The following PLXDC2 variants were observed in gnomAD, a reference collection of about 807,000 sequenced individuals.
The protein encoded by PLXDC2 is plexin domain-containing protein 2.
A neutral mutation model predicts 68.9 loss-of-function variants in PLXDC2; 40 were observed. The ratio of observed to expected loss-of-function variants is 0.58; its 90% CI spans 0.45 to 0.76. PLXDC2 has a LOEUF of 0.76. Among genes scored for constraint, PLXDC2 ranks in the 30% least tolerant of loss-of-function variants. The pLI is 0.00. For missense variants in PLXDC2, 644 were observed against 661.9 expected (o/e 0.97, Z 0.30); for synonymous variants, 243 against 234.2 (o/e 1.04, Z -0.34).
At chr10:19,876,936 A>G (rs905175918) in intron 1 of PLXDC2, among the ~76,000 whole-genome samples, 1 of 152,226 alleles carries the variant, frequency 6.6e-6, no homozygotes, top group Admixed American at 6.5e-5. Context: ...ACAAAAACGT[A>G]TCTGATCTTC....
intron 4 of PLXDC2, among the ~76,000 whole-genome samples, chr10:20,125,689 A>C (rs533518427): frequency 6.6e-6 from 1 of 152,296 alleles, no homozygotes; most frequent in African/African-American, 2.4e-5. Flanking sequence ...AGTTCAGTGC[A>C]ATGCTCCTTA....
At chr10:19,969,074 C>G (rs1834308763) in intron 1 of PLXDC2, among the ~76,000 whole-genome samples, 1 of 152,174 alleles carries the variant, frequency 6.6e-6, no homozygotes, top group African/African-American at 2.4e-5. Context: ...TGCAGTTGAT[C>G]ACCTTTGACA....
At chr10:20,135,139 G>C (rs1833918114) in intron 4 of PLXDC2, among the ~76,000 whole-genome samples, 1 of 152,108 alleles carries the variant, frequency 6.6e-6, no homozygotes, top group Non-Finnish European at 1.5e-5. Flanking sequence ...TCTGAGAGTG[G>C]ACAAGTACTG....
intron 5 of PLXDC2, among the ~76,000 whole-genome samples, chr10:20,146,984 A>T (rs1192131448): frequency 6.6e-6 from 1 of 152,186 alleles, no homozygotes; most frequent in Non-Finnish European, 1.5e-5. Flanking sequence ...AGTGAAGAAA[A>T]AGTCTTAGCA....
At chr10:19,900,980 G>GAT (rs1380410121) in intron 1 of PLXDC2, among the ~76,000 whole-genome samples, 7 of 108,660 alleles carry the variant, frequency 6.4e-5, no homozygotes, top group African/African-American at 2.9e-4. Context: ...ATATATGTGT[G>GAT]ATGTGTGTGT....
chr10:20,185,992 G>A (rs1349083810), intron 9 of PLXDC2, among the ~76,000 whole-genome samples: 5 of 151,872 alleles, frequency 3.3e-5, no homozygotes. Context: ...CTTGTAAGTT[G>A]ACACTCCTTC....
chr10:20,033,112 A>G (rs928743957), intron 2 of PLXDC2, among the ~76,000 whole-genome samples: 4 of 151,920 alleles, frequency 2.6e-5, no homozygotes, highest in African/African-American at 9.7e-5. Context: ...CAGCACACCA[A>G]CATGGCACAT....
rs1445232411 is a variant in PLXDC2, at chr10:20,047,015, A to C, written c.471A>C (p.Ala157=). 1 of 1,595,770 alleles carries C rather than the reference A, an allele frequency of 6.3e-7. No homozygotes were observed. Among genetic ancestry groups the C allele is most frequent in the Non-Finnish European group, 8.5e-7 (1 of 1,172,216 alleles). Residue 157 remains alanine, a splice_region_variant and synonymous_variant, in exon 3 of 14, where the codon GCA becomes GCC. Coordinates refer to ENST00000377252, the MANE Select transcript of PLXDC2 (RefSeq NM_032812.9). ...GILSNTHRQA[A]RVNLSFDFPF... ...TGTCCAATACTCATCGGCAAGCTGC[A>C]GTAAGTGTTTGGACATTCAGGGTTC...
At chr10:19,860,770 G>C (rs921264342) in intron 1 of PLXDC2, among the ~76,000 whole-genome samples, 2 of 152,162 alleles carry the variant, frequency 1.3e-5, no homozygotes, top group Non-Finnish European at 2.9e-5. Flanking sequence ...TCAGCAGGTG[G>C]AACTAAGCTC....
chr10:20,279,021 T>C (rs1221977470), intron 13 of PLXDC2, among the ~76,000 whole-genome samples: 1 of 152,212 alleles, frequency 6.6e-6, no homozygotes, highest in African/African-American at 2.4e-5. Context: ...ATAACCTGTA[T>C]TTTAGGACTA....
chr10:19,879,319 T>C (rs1264721476), intron 1 of PLXDC2, among the ~76,000 whole-genome samples: 2 of 152,180 alleles, frequency 1.3e-5, no homozygotes, highest in Non-Finnish European at 2.9e-5. Flanking sequence ...ATCAGAGTGC[T>C]GGGCACATAG....
intron 1 of PLXDC2, among the ~76,000 whole-genome samples, chr10:19,828,642 A>G (rs1324310293): frequency 1.3e-5 from 2 of 152,224 alleles, no homozygotes; most frequent in Non-Finnish European, 2.9e-5. Flanking sequence ...TCTGCACATG[A>G]CAGTCTCATT....
intron 1 of PLXDC2, among the ~76,000 whole-genome samples, chr10:19,952,063 CA>C (rs1589553322): frequency 6.6e-6 from 1 of 152,112 alleles, no homozygotes; most frequent in African/African-American, 2.4e-5. Context: ...ACTTGGGTGA[CA>C]AAATCAGTCA....
chr10:20,217,456 C>A lies in PLXDC2; in HGVS notation c.1153C>A (p.Pro385Thr). The A allele has an allele frequency of 6.2e-7, 1 of 1,612,512 alleles. No individual in the cohort carries two copies. The highest frequency in any genetic ancestry group is 1.1e-5 in the South Asian group (1 of 90,950). ...SKEKMCENTEPVETSSRTTTT... is the reference protein window; with the variant it reads ...SKEKMCENTETVETSSRTTTT... ...AGAGAAGATGTGTGAGAATACAGAACCAGTGGAAACTTCTTCTCGAACCAC... is the reference window on the plus strand; with the variant it reads ...AGAGAAGATGTGTGAGAATACAGAAACAGTGGAAACTTCTTCTCGAACCAC... Residue 385 changes from proline to threonine, a missense_variant, in exon 11 of 14, where the codon CCA becomes ACA. By Grantham distance (38) the Pro-to-Thr change is conservative (BLOSUM62 -1). Coordinates refer to ENST00000377252, the MANE Select transcript of PLXDC2 (RefSeq NM_032812.9).
rs1284562707 is a variant in PLXDC2, at chr10:20,288,028, C to A, written c.*8209C>A. On this transcript the variant is annotated 3_prime_UTR_variant, in exon 14 of 14. Coordinates refer to ENST00000377252, the MANE Select transcript of PLXDC2 (RefSeq NM_032812.9). ...CTTTCCAGATTTTATGCCAGTTGCACCAGCATGCAGAATATTTGTAATGCA... is the reference window on the plus strand; with the variant it reads ...CTTTCCAGATTTTATGCCAGTTGCAACAGCATGCAGAATATTTGTAATGCA... The A allele has an allele frequency of 6.7e-6, 1 of 148,244 alleles. No homozygotes were observed. The highest frequency in any genetic ancestry group is 1.5e-5 in the Non-Finnish European group (1 of 67,750). The allele number at this position is 148,244 out of a possible 1,614,324, so 9.2% of individuals were successfully genotyped here.
chr10:19,948,134 A>G (rs1833933282), intron 1 of PLXDC2, among the ~76,000 whole-genome samples: 1 of 152,114 alleles, frequency 6.6e-6, no homozygotes, highest in Admixed American at 6.5e-5. Flanking sequence ...TTTCTACTAC[A>G]ATTCTTCATT....
chr10:20,278,583 A>G (rs900350409), intron 13 of PLXDC2, among the ~76,000 whole-genome samples: 6 of 151,180 alleles, frequency 4.0e-5, no homozygotes, highest in African/African-American at 1.5e-4. Context: ...TAGAGATAGC[A>G]CTTAATATTA....
In PLXDC2 at chr10:20,251,528, A is replaced by G. The variant is rs116247758; in HGVS notation, c.1473+6023A>G. On this transcript the variant is annotated intron_variant, in intron 13 of 13. Coordinates refer to ENST00000377252, the MANE Select transcript of PLXDC2 (RefSeq NM_032812.9). ...CTAGGCATAAATTTTGTGACTTGTA[A>G]TATATTTTATTGTTTCATGAACATA... Among the ~76,000 whole-genome samples the G allele has an allele frequency of 5.7e-3, 873 of 152,224 alleles. 9 individuals carry two copies. Among genetic ancestry groups the G allele is most frequent in the African/African-American group, 0.02 (825 of 41,552 alleles).
chr10:20,270,462 T>C (rs991750992), intron 13 of PLXDC2, among the ~76,000 whole-genome samples: 2 of 152,186 alleles, frequency 1.3e-5, no homozygotes, highest in Non-Finnish European at 2.9e-5. Flanking sequence ...GATGCCCTGA[T>C]TCATTACATT....
Sources: allele counts gnomAD v4.1 joint callset (sites outside exome capture counted in the v4.1 genomes callset), GRCh38; gene constraint gnomAD v4.1.1; transcripts MANE v1.5; gene names NCBI Gene and HGNC (gene_info 2026-07-23, HGNC 2026-07-21).